Variants in HERC2 observed in about 807,000 individuals in gnomAD.
HERC2 encodes the protein HECT and RLD domain containing E3 ubiquitin protein ligase 2, also known as E3 ubiquitin-protein ligase HERC2.
HERC2 carries 102 observed loss-of-function variants against 537.7 expected under a neutral mutation model. That is an observed-to-expected ratio of 0.19 (90% CI 0.16 to 0.22). HERC2 has a LOEUF of 0.22. Ranked by LOEUF, HERC2 falls within the 10% of genes least tolerant of loss-of-function variation. The pLI, the probability that HERC2 is intolerant of heterozygous loss-of-function variation, is 1.00. For synonymous variants in HERC2, 2,224 were observed against 2,466.2 expected, an observed-to-expected ratio of 0.90 and a Z score of 2.91; for missense variants, 4,236 against 6,198.2, an observed-to-expected ratio of 0.68 and a Z score of 10.63.
At chr15:28,261,668 T>C (rs2075418038) in intron 15 of HERC2, among the ~76,000 whole-genome samples, 1 of 152,136 alleles carries the variant, frequency 6.6e-6, no homozygotes, top group Non-Finnish European at 1.5e-5. Flanking sequence ...CCTATACTAA[T>C]GGAGGGGAAT....
chr15:28,155,666 T>A (rs1892933291), intron 69 of HERC2, among the ~76,000 whole-genome samples: 1 of 151,800 alleles, frequency 6.6e-6, no homozygotes, highest in Non-Finnish European at 1.5e-5. Flanking sequence ...ATATTAGACC[T>A]TTGTCAGATG....
Position 28,265,591 on chromosome 15 carries a change from G to A in HERC2, c.1870+27C>T. 1 of 1,591,220 alleles carries A rather than the reference G, an allele frequency of 6.3e-7. No homozygotes were observed. The highest frequency in any genetic ancestry group is 8.6e-7 in the Non-Finnish European group (1 of 1,160,298). ...CTGCCATGCGTGTCCTCGTGGGCCT[G>A]TCCAGGGTGGCGAGAGCTCTACGTA... is the stretch of plus-strand genomic sequence containing the variant. On this transcript the variant is annotated intron_variant, in intron 14 of 92. Coordinates refer to ENST00000261609, the MANE Select transcript of HERC2 (RefSeq NM_004667.6). The surrounding 1 kb of genome is among the most constrained non-coding windows in gnomAD (Gnocchi z 4.0).
Position 28,141,761 on chromosome 15 carries a change from T to G in HERC2, c.11786A>C (p.Gln3929Pro). ...HESHDIFKRE[Q>P]DEQLVQWMNR... is the part of the protein sequence containing the mutation. ...CATCCACTGCACAAGTTGTTCGTCT[T>G]GCTCTCTTTTAAAAATGTCATGGCT... The change falls in exon 77 of 93, where the codon CAA becomes CCA. Residue 3929 changes from glutamine to proline, a missense_variant. Transcript: ENST00000261609. The G allele has an allele frequency of 1.9e-6, 3 of 1,614,202 alleles. No individual in the cohort carries two copies. The East Asian group carries it at 6.7e-5, about 36-fold the overall frequency.
chr15:28,166,373 A>T (rs1276824342), intron 68 of HERC2, among the ~76,000 whole-genome samples: 1 of 152,260 alleles, frequency 6.6e-6, no homozygotes, highest in Non-Finnish European at 1.5e-5. Flanking sequence ...GATTGGAATT[A>T]AAAGTACTGA....
chr15:28,182,140 G>T (rs563877577), intron 57 of HERC2, among the ~76,000 whole-genome samples: 1 of 152,232 alleles, frequency 6.6e-6, no homozygotes, highest in South Asian at 2.1e-4. Context: ...TACACCTATT[G>T]ACAGTCTATA....
At position 28,265,465 on chromosome 15, in the gene HERC2, C is replaced by T. The variant is rs1344685393; in HGVS notation, c.1870+153G>A. Among the ~76,000 whole-genome samples, 4 of 152,144 alleles carry T rather than the reference C, an allele frequency of 2.6e-5. No individual in the cohort carries two copies. The highest frequency in any genetic ancestry group is 7.2e-5 in the African/African-American group (3 of 41,440). ...TCAGGCAAACAAGCCCAGTAACCACCCGGGCCTCTTCCCCAATGCCACTGA... is the reference window on the plus strand; with the variant it reads ...TCAGGCAAACAAGCCCAGTAACCACTCGGGCCTCTTCCCCAATGCCACTGA... On this transcript the variant is annotated intron_variant, in intron 14 of 92. Coordinates refer to ENST00000261609, the MANE Select transcript of HERC2 (RefSeq NM_004667.6). This position sits in a 1 kb window ranked among gnomAD's most constrained non-coding sequence, Gnocchi z 4.0.
At chr15:28,283,027 C>A (rs374792928) in intron 4 of HERC2, among the ~76,000 whole-genome samples, 1 of 83,656 alleles carries the variant, frequency 1.2e-5, no homozygotes, top group African/African-American at 6.0e-5. Context: ...AAAGAAATGT[C>A]CCAGCAAAAA....
At chr15:28,159,432 A>G (rs900093555) in intron 69 of HERC2, among the ~76,000 whole-genome samples, 4 of 151,984 alleles carry the variant, frequency 2.6e-5, no homozygotes, top group African/African-American at 4.8e-5. Flanking sequence ...GGTTTTGTTC[A>G]TTTCTTTTTA....
chr15:28,250,183 C>T (rs1005649479), intron 20 of HERC2, among the ~76,000 whole-genome samples: 4 of 152,098 alleles, frequency 2.6e-5, no homozygotes, highest in South Asian at 2.1e-4. Context: ...CACTTGCCCC[C>T]GTGGCTCACA....
At position 28,214,251 on chromosome 15, in the gene HERC2, C is replaced by G; in HGVS notation, c.6380G>C (p.Arg2127Thr). ...AGTCAGCGAGGCCTGCGGGCGCACC[C>G]TGCGCCGCCTCAGCGTGGACTCTGA... is the stretch of plus-strand genomic sequence containing the variant. ...LLRESTLRRR[R>T]VRPQASLTAT... The change falls in exon 41 of 93, where the codon AGG becomes ACG. Residue 2127 changes from arginine (R) to threonine (T), a missense_variant. Around this residue, in one of 27 missense-constraint regions of HERC2, gnomAD observed 365 missense variants for 468.8 expected, o/e 0.78. Coordinates refer to ENST00000261609, the MANE Select transcript of HERC2 (RefSeq NM_004667.6). 1 of 1,611,574 alleles carries G rather than the reference C, an allele frequency of 6.2e-7. No homozygotes were observed. Among genetic ancestry groups the G allele is most frequent in the Non-Finnish European group, 8.5e-7 (1 of 1,179,598 alleles).
rs74650431 is a variant in HERC2, at chr15:28,184,485, C to T, written c.8826-1973G>A. 4.6e-3 allele frequency among the ~76,000 whole-genome samples: 703 copies of T among 152,266 alleles called. 4 individuals carry two copies. The highest frequency in any genetic ancestry group is 0.016 in the African/African-American group (680 of 41,538). On this transcript the variant is annotated intron_variant, in intron 56 of 92. Coordinates refer to ENST00000261609, the MANE Select transcript of HERC2 (RefSeq NM_004667.6). ...ATCAAGTATCTAGCTTTTCTTTCGA[C>T]AATATATTCAATTACACAAAAATCT...
intron 4 of HERC2, among the ~76,000 whole-genome samples, chr15:28,285,493 A>T (rs541603635): frequency 1.1e-4 from 17 of 152,268 alleles, no homozygotes; most frequent in South Asian, 4.1e-4. Context: ...TATATTCTGA[A>T]CTGAGAGAAA....
chr15:28,191,465 C>G (rs1479316149), intron 53 of HERC2, among the ~76,000 whole-genome samples: 1 of 152,162 alleles, frequency 6.6e-6, no homozygotes, highest in Non-Finnish European at 1.5e-5. Flanking sequence ...AACCATGTAT[C>G]TATATACTCC....
chr15:28,178,750 G>A, intron 59 of HERC2, 137 bp downstream of exon 59: 1 of 989,022 alleles, frequency 1.0e-6, no homozygotes, highest in African/African-American at 1.7e-5. Context: ...ACCACCTAGA[G>A]ATTTACATTA....
chr15:28,183,363 T>C (rs1489629543), intron 56 of HERC2, among the ~76,000 whole-genome samples: 1 of 150,294 alleles, frequency 6.7e-6, no homozygotes, highest in Non-Finnish European at 1.5e-5. Context: ...GCCTGCACCA[T>C]CATGCCCAGC....
chr15:28,245,166 A>G (rs1358566998), intron 23 of HERC2, among the ~76,000 whole-genome samples: 1 of 151,906 alleles, frequency 6.6e-6, no homozygotes, highest in African/African-American at 2.4e-5. Flanking sequence ...AACCACCCCA[A>G]CTGCACCTTC....
intron 25 of HERC2, 119 bp from the exon 26 acceptor site, chr15:28,237,232 A>G (rs1046966657): frequency 1.1e-4 from 80 of 756,664 alleles, no homozygotes; most frequent in African/African-American, 4.2e-4. Flanking sequence ...TGCTCTGGGC[A>G]TTCTGCCCCT....
At chr15:28,190,726 A>ACCAGTTACCAAGT in intron 55 of HERC2, 1 of 560,584 alleles carries the variant, frequency 1.8e-6, no homozygotes, top group Non-Finnish European at 3.1e-6. Flanking sequence ...GTTACCAAGT[A>ACCAGTTACCAAGT]TACCTCTGCT....
chr15:28,212,052 A>C (rs1338594934), intron 43 of HERC2, among the ~76,000 whole-genome samples: 1 of 152,182 alleles, frequency 6.6e-6, no homozygotes, highest in Admixed American at 6.5e-5. Flanking sequence ...CAGGCAAGCC[A>C]GGCGCTTCCG....
Sources: gnomAD v4.1 joint callset for allele counts (sites outside exome capture counted in the v4.1 genomes callset) on GRCh38, gnomAD v4.1.1 for gene constraint, gnomAD v4.1.1 regional missense constraint, Gnocchi (gnomAD v3.1) non-coding constraint, MANE v1.5 for transcripts, NCBI Gene and HGNC (gene_info 2026-07-23, HGNC 2026-07-21) for gene names.